Variants in PITPNC1 observed in about 807,000 individuals in gnomAD.
PITPNC1 encodes the protein phosphatidylinositol transfer protein cytoplasmic 1, also known as cytoplasmic phosphatidylinositol transfer protein 1.
PITPNC1 carries 18 observed loss-of-function variants against 44.7 expected under a neutral mutation model. The observed-to-expected ratio is 0.40, with a 90% CI of 0.28 to 0.60. The LOEUF is 0.60. PITPNC1 is among the 20% of genes least tolerant of loss of function. The pLI, the probability that PITPNC1 is intolerant of heterozygous loss-of-function variation, is 0.39. For synonymous variants in PITPNC1, 141 were observed against 149.6 expected (o/e 0.94, Z 0.42); for missense variants, 290 against 418.4 (o/e 0.69, Z 2.68).
chr17:67,438,083 GA>G (rs564508949), intron 1 of PITPNC1, among the ~76,000 whole-genome samples: 43 of 149,182 alleles, frequency 2.9e-4, no homozygotes, highest in Non-Finnish European at 6.1e-4. Context: ...AAGAAAAAAA[GA>G]AAAAAAAAGA....
intron 1 of PITPNC1, among the ~76,000 whole-genome samples, chr17:67,398,203 C>G (rs752528222): frequency 2.2e-4 from 34 of 151,966 alleles, no homozygotes; most frequent in Admixed American, 2.1e-3. Context: ...AATTTTAAAT[C>G]ATTGTAACTA....
intron 2 of PITPNC1, among the ~76,000 whole-genome samples, chr17:67,539,604 C>T (rs1334757603): frequency 7.9e-5 from 12 of 152,244 alleles, no homozygotes; most frequent in African/African-American, 2.6e-4. Context: ...TTTGGGAGGC[C>T]GAGGCGGGTG....
intron 4 of PITPNC1, among the ~76,000 whole-genome samples, chr17:67,555,610 T>A (rs1032421773): frequency 2.7e-5 from 4 of 149,738 alleles, no homozygotes; most frequent in African/African-American, 9.9e-5. Flanking sequence ...GTGGATCACT[T>A]GAAGTCAGGA....
chr17:67,441,834 C>T (rs553394169), intron 1 of PITPNC1, among the ~76,000 whole-genome samples: 25 of 152,258 alleles, frequency 1.6e-4, no homozygotes, highest in African/African-American at 6.0e-4. Flanking sequence ...GAACTGCACA[C>T]GCCTGGCTTC....
chr17:67,465,378 C>T (rs1307442155), intron 1 of PITPNC1, among the ~76,000 whole-genome samples: 1 of 152,162 alleles, frequency 6.6e-6, no homozygotes, highest in East Asian at 1.9e-4. Context: ...TAAGGAAATA[C>T]AGTCTGTGCC....
At chr17:67,583,407 G>A (rs1327845777) in intron 5 of PITPNC1, among the ~76,000 whole-genome samples, 2 of 151,944 alleles carry the variant, frequency 1.3e-5, no homozygotes, top group Admixed American at 1.3e-4. Flanking sequence ...GTCCAACATG[G>A]TGAAACCTCG....
At chr17:67,599,034 A>ATATATATATATTT (rs1461493250) in intron 5 of PITPNC1, among the ~76,000 whole-genome samples, 8 of 35,672 alleles carry the variant, frequency 2.2e-4, no homozygotes, top group South Asian at 1.3e-3. Flanking sequence ...ATATATATAT[A>ATATATATATATTT]TTTTTTTTTT....
chr17:67,542,803 A>G (rs1370787963), intron 2 of PITPNC1, among the ~76,000 whole-genome samples: 1 of 152,218 alleles, frequency 6.6e-6, no homozygotes, highest in Non-Finnish European at 1.5e-5. Context: ...TTGATTACCT[A>G]AAGTAATTAT....
In PITPNC1 at chr17:67,393,265, T is replaced by A. The variant is rs79616463; in HGVS notation, c.48+15063T>A. Among the ~76,000 whole-genome samples, 779 of 152,262 alleles carry A rather than the reference T, an allele frequency of 5.1e-3. 9 individuals carry two copies. Among genetic ancestry groups the A allele is most frequent in the African/African-American group, 0.018 (735 of 41,554 alleles). On this transcript the variant is annotated intron_variant, in intron 1 of 8. Transcript: ENST00000581322. ...GTCCAGCCATCACCACCGCCCATCT[T>A]CAGAACAGTTTTCATCTTGCAGAAT...
At position 67,683,514 on chromosome 17, in the gene PITPNC1, A is replaced by G. The variant is rs561246441; in HGVS notation, c.682+7972A>G. 9.2e-5 allele frequency among the ~76,000 whole-genome samples: 14 copies of G among 152,328 alleles called. 1 individual carries two copies. The South Asian group carries it at 2.7e-3, about 29-fold the overall frequency. ...TCATACACATTTATAGTCTGTGAGG[A>G]TATTTCAGGATTTAGACAAACATAT... On this transcript the variant is annotated intron_variant, in intron 8 of 8. Transcript: ENST00000581322.
chr17:67,485,722 G>A (rs2039769800), intron 1 of PITPNC1, among the ~76,000 whole-genome samples: 1 of 152,000 alleles, frequency 6.6e-6, no homozygotes, highest in Non-Finnish European at 1.5e-5. Flanking sequence ...GAGGGACATT[G>A]GAACTACAGA....
At chr17:67,462,108 G>A (rs1233336106) in intron 1 of PITPNC1, among the ~76,000 whole-genome samples, 1 of 149,348 alleles carries the variant, frequency 6.7e-6, no homozygotes, top group African/African-American at 2.5e-5. Context: ...CTTAGTTGCA[G>A]TTTATTTGCT....
At chr17:67,544,317 G>C (rs772980521) in intron 2 of PITPNC1, among the ~76,000 whole-genome samples, 1 of 152,052 alleles carries the variant, frequency 6.6e-6, no homozygotes, top group South Asian at 2.1e-4. Flanking sequence ...ACATATGAAG[G>C]TGGACTTTTC....
intron 1 of PITPNC1, among the ~76,000 whole-genome samples, chr17:67,390,553 C>A (rs748558673): frequency 1.3e-5 from 2 of 152,194 alleles, no homozygotes; most frequent in Non-Finnish European, 2.9e-5. Flanking sequence ...CCACATGGCA[C>A]GTAAGTCCTT....
intron 1 of PITPNC1, among the ~76,000 whole-genome samples, chr17:67,421,569 C>T (rs2038673728): frequency 6.6e-6 from 1 of 152,122 alleles, no homozygotes; most frequent in Admixed American, 6.6e-5. Flanking sequence ...AGGTGTGAGC[C>T]ACTGTACCAG....
intron 1 of PITPNC1, among the ~76,000 whole-genome samples, chr17:67,501,268 G>C (rs2040026293): frequency 6.6e-6 from 1 of 151,874 alleles, no homozygotes; most frequent in Admixed American, 6.6e-5. Context: ...TGTTATCCTG[G>C]AATTCCTTCT....
chr17:67,505,193 G>A (rs2040084780), intron 1 of PITPNC1, among the ~76,000 whole-genome samples: 2 of 152,264 alleles, frequency 1.3e-5, no homozygotes, highest in East Asian at 1.9e-4. Context: ...GTATTCTGCT[G>A]TGTTGAGTGA....
chr17:67,656,524 T>C (rs896588606), intron 6 of PITPNC1, among the ~76,000 whole-genome samples: 4 of 152,196 alleles, frequency 2.6e-5, no homozygotes, highest in Admixed American at 6.5e-5. Flanking sequence ...CGTTCATAGA[T>C]AGATACTAGG....
At chr17:67,500,298 A>G (rs565426103) in intron 1 of PITPNC1, among the ~76,000 whole-genome samples, 1 of 152,360 alleles carries the variant, frequency 6.6e-6, no homozygotes, top group South Asian at 2.1e-4. Flanking sequence ...ATATCCATAA[A>G]TGGGCTATTA....
Sources: gnomAD v4.1 joint callset for allele counts (sites outside exome capture counted in the v4.1 genomes callset) on GRCh38, gnomAD v4.1.1 for gene constraint, MANE v1.5 for transcripts, NCBI Gene and HGNC (gene_info 2026-07-23, HGNC 2026-07-21) for gene names.